Variants in C2CD5 observed in about 807,000 individuals in gnomAD.
The protein encoded by C2CD5 is C2 calcium dependent domain containing 5.
Under a neutral mutation model 130.3 loss-of-function variants are expected in C2CD5, and 109 were observed. That is an observed-to-expected ratio of 0.84 (90% CI 0.72 to 0.98). C2CD5 has a LOEUF of 0.98. C2CD5 is among the 50% of genes least tolerant of loss of function. The pLI, the probability that C2CD5 is intolerant of heterozygous loss-of-function variation, is 0.00. For missense variants in C2CD5, 996 were observed against 1,261.8 expected (o/e 0.79, Z 3.19); for synonymous variants, 454 against 429.2 (o/e 1.06, Z -0.71).
chr12:22,492,366 C>T (rs1206560600), intron 11 of C2CD5, among the ~76,000 whole-genome samples: 3 of 152,116 alleles, frequency 2.0e-5, no homozygotes, highest in Admixed American at 6.5e-5. Flanking sequence ...AGGGTCAAAA[C>T]AAACTAGATA....
intron 10 of C2CD5, among the ~76,000 whole-genome samples, chr12:22,494,733 G>T (rs186537474): frequency 6.6e-6 from 1 of 152,114 alleles, no homozygotes; most frequent in South Asian, 2.1e-4. Flanking sequence ...AAATAGAAAA[G>T]ACTACAATAT....
At chr12:22,502,506 A>T (rs1565741449) in intron 10 of C2CD5, among the ~76,000 whole-genome samples, 1 of 152,156 alleles carries the variant, frequency 6.6e-6, no homozygotes, top group African/African-American at 2.4e-5. Context: ...ACCTAAGAAA[A>T]GTCATTGATA....
At chr12:22,537,927 G>A (rs1951979204) in intron 2 of C2CD5, among the ~76,000 whole-genome samples, 1 of 151,620 alleles carries the variant, frequency 6.6e-6, no homozygotes, top group Non-Finnish European at 1.5e-5. Context: ...TCTTACTCTA[G>A]AGATTCCTGC....
chr12:22,509,983 T>C (rs565846208), intron 9 of C2CD5, among the ~76,000 whole-genome samples: 2 of 152,304 alleles, frequency 1.3e-5, no homozygotes, highest in East Asian at 3.9e-4. Context: ...GGTAGGTGGA[T>C]CACCTGAGGT....
chr12:22,524,474 G>T lies in C2CD5; in HGVS notation c.599C>A (p.Ser200Ter). The T allele has an allele frequency of 6.2e-7, 1 of 1,612,266 alleles. No homozygotes were observed. The highest frequency in any genetic ancestry group is 8.5e-7 in the Non-Finnish European group (1 of 1,179,282). ...EARQRLISLM[S>*]GELQRKIGLK... ...ATAAAGTTATTTTTTTTAAATACCT[G>T]ACATTAACGAAATGAGTCTCTGTCT... Residue 200 changes from serine to a stop codon, truncating the protein, a stop_gained and splice_region_variant, in exon 6 of 27, where the codon TCA becomes TAA. Transcript: ENST00000446597. LOFTEE classifies it high-confidence loss of function.
chr12:22,543,992 G>T (rs1347691047), intron 2 of C2CD5, 69 bp downstream of exon 2: 2 of 1,187,478 alleles, frequency 1.7e-6, no homozygotes, highest in Non-Finnish European at 2.5e-6. Context: ...GGGGCTGGGG[G>T]CGAGGTGGGT....
chr12:22,476,646 G>T (rs1943888967), intron 15 of C2CD5, among the ~76,000 whole-genome samples: 1 of 151,998 alleles, frequency 6.6e-6, no homozygotes, highest in Non-Finnish European at 1.5e-5. Flanking sequence ...AAGGAAGACA[G>T]ATATATAAAA....
chr12:22,494,949 C>T (rs1946825144), intron 10 of C2CD5, among the ~76,000 whole-genome samples: 1 of 152,036 alleles, frequency 6.6e-6, no homozygotes, highest in Admixed American at 6.6e-5. Context: ...CATTTAACAT[C>T]ATCCTTTCCT....
chr12:22,450,145 G>A (rs965230695), intron 26 of C2CD5, among the ~76,000 whole-genome samples: 3 of 151,996 alleles, frequency 2.0e-5, no homozygotes, highest in African/African-American at 7.2e-5. Context: ...ATGACAACGA[G>A]ACACCACTTC....
At chr12:22,458,799 T>G (rs375236012) in intron 23 of C2CD5, 65 of 316,694 alleles carry the variant, frequency 2.1e-4, no homozygotes, top group African/African-American at 1.3e-3. Context: ...GCTGAGCATT[T>G]CTGGTGATGT....
chr12:22,530,844 T>G (rs1005779072), intron 3 of C2CD5, among the ~76,000 whole-genome samples: 6 of 152,200 alleles, frequency 3.9e-5, no homozygotes, highest in Non-Finnish European at 7.3e-5. Flanking sequence ...TTAAGTAAGC[T>G]GCTTGAGTAC....
chr12:22,541,279 T>G (rs774608039), intron 2 of C2CD5, among the ~76,000 whole-genome samples: 1 of 152,196 alleles, frequency 6.6e-6, no homozygotes, highest in South Asian at 2.1e-4. Context: ...CATCCACTTG[T>G]CCGCATTACC....
At chr12:22,464,359 A>G (rs1941712811) in intron 22 of C2CD5, among the ~76,000 whole-genome samples, 1 of 151,968 alleles carries the variant, frequency 6.6e-6, no homozygotes, top group Non-Finnish European at 1.5e-5. Flanking sequence ...CAAGCATGCA[A>G]TCTCCCTCTC....
At chr12:22,465,412 A>AT (rs1340358329) in intron 22 of C2CD5, among the ~76,000 whole-genome samples, 1 of 152,180 alleles carries the variant, frequency 6.6e-6, no homozygotes, top group African/African-American at 2.4e-5. Context: ...AACTTGAAAT[A>AT]TATTTAAAGT....
intron 11 of C2CD5, among the ~76,000 whole-genome samples, chr12:22,492,330 A>G (rs1365083586): frequency 6.6e-6 from 1 of 152,206 alleles, no homozygotes; most frequent in Non-Finnish European, 1.5e-5. Context: ...CTAAGTAAGG[A>G]GCTGAGAAAA....
At position 22,523,501 on chromosome 12, in the gene C2CD5, G is replaced by A. The variant is rs1384283126; in HGVS notation, c.725C>T (p.Ala242Val). 3.1e-6 allele frequency: 5 copies of A among 1,613,732 alleles called. No individual in the cohort carries two copies. The highest frequency in any genetic ancestry group is 3.4e-6 in the Non-Finnish European group (4 of 1,179,948). The change falls in exon 7 of 27, where the codon GCG becomes GTG. Residue 242 changes from alanine to valine, a missense_variant. Ala to Val is a moderately conservative substitution (Grantham distance 64, BLOSUM62 0). Around this residue, in one of 9 missense-constraint regions of C2CD5, gnomAD observed 156 missense variants for 165.9 expected, o/e 0.94. Coordinates refer to ENST00000446597, the MANE Select transcript of C2CD5 (RefSeq NM_001286176.2). ...GCTACTTAATTTATCCAGAGTACAC[G>A]CCGTTCCTATGGCTCGCACCACTAA... ...SGLVVRAIGT[A>V]CTLDKLSSPA... is the part of the protein sequence containing the mutation.
intron 22 of C2CD5, among the ~76,000 whole-genome samples, chr12:22,465,465 C>G (rs967025254): frequency 4.6e-5 from 7 of 152,044 alleles, no homozygotes; most frequent in Middle Eastern, 6.8e-3. Flanking sequence ...AGTTCTTAAG[C>G]CCTACAATAC....
rs746076510 is a variant in C2CD5 at position 22,535,257 on chromosome 12, C to A, written c.177+1G>T. Reference sequence around the variant, plus strand: ...AAAAATGCTGACATTTAAAAACTTACCTCAAATTTAAACCACTCCGAGTTC... The same window carrying A: ...AAAAATGCTGACATTTAAAAACTTAACTCAAATTTAAACCACTCCGAGTTC... On this transcript the variant is annotated splice_donor_variant, in intron 3 of 26. Transcript: ENST00000446597. LOFTEE classifies it high-confidence loss of function. 1.9e-6 allele frequency: 3 copies of A among 1,561,610 alleles called. No homozygotes were observed. Among genetic ancestry groups the A allele is most frequent in the Non-Finnish European group, 2.6e-6 (3 of 1,134,288 alleles).
At chr12:22,539,274 T>C (rs73265589) in intron 2 of C2CD5, among the ~76,000 whole-genome samples, 6,200 of 152,272 alleles carry the variant, frequency 0.041, 420 homozygotes, top group African/African-American at 0.14. Flanking sequence ...CATCTGACAA[T>C]TGAGCTTCCT....
Sources: allele counts gnomAD v4.1 joint callset (sites outside exome capture counted in the v4.1 genomes callset), GRCh38; gene constraint gnomAD v4.1.1; regional missense constraint gnomAD v4.1.1; transcripts MANE v1.5; gene names NCBI Gene and HGNC (gene_info 2026-07-23, HGNC 2026-07-21).